MTIF2: variants seen among roughly 807,000 people sequenced by gnomAD.
MTIF2 encodes the protein translation initiation factor IF-2, mitochondrial.
MTIF2 carries 71 observed loss-of-function variants against 83.5 expected under a neutral mutation model. That is an observed-to-expected ratio of 0.85 (90% CI 0.70 to 1.04). MTIF2 has a LOEUF of 1.04. Among genes scored for constraint, MTIF2 ranks in the 50% least tolerant of loss-of-function variants. The pLI, the probability that MTIF2 is intolerant of heterozygous loss-of-function variation, is 0.00. For missense variants in MTIF2, 957 were observed against 846.5 expected (o/e 1.13, Z -1.62); for synonymous variants, 319 against 287.1 (o/e 1.11, Z -1.12).
At position 55,237,274 on chromosome 2, in the gene MTIF2, T is replaced by C. The variant is rs372653054; in HGVS notation, c.2011+14A>G. 1.9e-6 allele frequency: 3 copies of C among 1,606,178 alleles called. No individual in the cohort carries two copies. The highest frequency in any genetic ancestry group is 2.5e-6 in the Non-Finnish European group (3 of 1,177,998). ...ACTGGATATGCTATTATAGGAGATT[T>C]TGATGTTGCTTACCCTTCCAAATTA... On this transcript the variant is annotated intron_variant, in intron 15 of 15. Transcript: ENST00000263629.
rs1558569315 is a variant in MTIF2 at position 55,254,028 on chromosome 2, T to C, written c.664+13A>G. 6.2e-7 allele frequency: 1 copy of C among 1,613,190 alleles called. No individual in the cohort carries two copies. The highest frequency in any genetic ancestry group is 1.3e-5 in the African/African-American group (1 of 74,892). ...GGTTCCCAAGCACATTGTAAGGTAA[T>C]TTGTGTTCATACCAAGAAAGGCACC... On this transcript the variant is annotated intron_variant, in intron 7 of 15. Transcript: ENST00000263629.
chr2:55,262,279 A>T, intron 5 of MTIF2, 37 bp downstream of exon 5: 1 of 1,407,546 alleles, frequency 7.1e-7, no homozygotes, highest in African/African-American at 1.4e-5. Context: ...GTCTTCCAAC[A>T]TTCCCATATT....
In MTIF2 at chr2:55,237,422, G is replaced by T; in HGVS notation, c.1877C>A (p.Ala626Glu). The T allele has an allele frequency of 6.2e-7, 1 of 1,605,498 alleles. No individual in the cohort carries two copies. Among genetic ancestry groups the T allele is most frequent in the Non-Finnish European group, 8.5e-7 (1 of 1,177,496 alleles). ...CAVEEHPVGE[A>E]SILATFSVTE... Reference sequence around the variant, plus strand: ...TACAGAGAAGGTAGCTAGTATAGATGCCTCACCTTTAGGAAGAAGAGAACA... The same window carrying T: ...TACAGAGAAGGTAGCTAGTATAGATTCCTCACCTTTAGGAAGAAGAGAACA... Residue 626 changes from alanine (A) to glutamate (E), a missense_variant, in exon 15 of 16, where the codon GCA becomes GAA. Around this residue, in one of 3 missense-constraint regions of MTIF2, gnomAD observed 221 missense variants for 180.6 expected, o/e 1.22. Coordinates refer to ENST00000263629, the MANE Select transcript of MTIF2 (RefSeq NM_002453.3).
rs146855736 is a variant in MTIF2 at position 55,236,662 on chromosome 2, C to T, written c.2170G>A (p.Asp724Asn). 51 of 1,587,678 alleles carry T rather than the reference C, an allele frequency of 3.2e-5. No individual in the cohort carries two copies. In the African/African-American group the frequency reaches 6.7e-4, roughly 21 times the overall value. The change falls in exon 16 of 16, where the codon GAT becomes AAT. Residue 724 changes from aspartate (D) to asparagine (N), a missense_variant. Physicochemically the swap from Asp to Asn is conservative, Grantham distance 23. Around this residue, in one of 3 missense-constraint regions of MTIF2, gnomAD observed 221 missense variants for 180.6 expected, o/e 1.22. Coordinates refer to ENST00000263629, the MANE Select transcript of MTIF2 (RefSeq NM_002453.3). ...EKQIQAKTSW[D>N]PGF ...TTAATGTAATTTTAAAATCCTGGAT[C>T]CCAAGAAGTCTTGGCTTGAATTTGC...
At chr2:55,236,842 T>G in intron 15 of MTIF2, 22 bp from the exon 16 acceptor site, 1 of 1,528,626 alleles carries the variant, frequency 6.5e-7, no homozygotes, top group Non-Finnish European at 8.8e-7. Context: ...TAATTTAAGG[T>G]TAGTATATTC....
In MTIF2 at chr2:55,263,759, T is replaced by G. The variant is rs773432465; in HGVS notation, c.100A>C (p.Arg34=). Residue 34 remains arginine, a synonymous_variant, in exon 4 of 16, where the codon AGG becomes CGG. Transcript: ENST00000263629. The stretch of plus-strand genomic sequence containing the variant: ...GGGTAAGCAGATGAAAACCCATGCC[T>G]CCACTGTCTTAATGCTCTTCTTTGA... ...LCQRRALRQW[R]HGFSSAYPVW... 2.5e-6 allele frequency: 4 copies of G among 1,614,166 alleles called. No homozygotes were observed. The highest frequency in any genetic ancestry group is 3.3e-5 in the Admixed American group (2 of 60,010).
At chr2:55,248,078 C>T (rs572239985) in intron 9 of MTIF2, among the ~76,000 whole-genome samples, 1 of 152,160 alleles carries the variant, frequency 6.6e-6, no homozygotes, top group East Asian at 1.9e-4. Flanking sequence ...TTTATAGAGA[C>T]AAGGTCTCAT....
Position 55,236,823 on chromosome 2 carries a change from T to TA in MTIF2, c.2012-4dup, listed in dbSNP as rs781177023. 4 of 1,572,008 alleles carry TA rather than the reference T, an allele frequency of 2.5e-6. No individual in the cohort carries two copies. In the African/African-American group the frequency reaches 4.1e-5, roughly 16 times the overall value. Reference sequence around the variant, plus strand: ...GTGTTTCAATGAGGTTAATGAGCCTTAAAAAAGATAATTTAAGGTTAGTAT... The same window carrying TA: ...GTGTTTCAATGAGGTTAATGAGCCTTAAAAAAAGATAATTTAAGGTTAGTAT... On this transcript the variant is annotated splice_polypyrimidine_tract_variant and splice_region_variant and intron_variant, in intron 15 of 15. Transcript: ENST00000263629.
At chr2:55,260,879 C>T (rs530281944) in intron 5 of MTIF2, among the ~76,000 whole-genome samples, 1 of 152,000 alleles carries the variant, frequency 6.6e-6, no homozygotes, top group East Asian at 1.9e-4. Flanking sequence ...TTCAAAAATC[C>T]TAAATTGGTA....
At chr2:55,248,538 T>A (rs1307918127) in intron 9 of MTIF2, among the ~76,000 whole-genome samples, 1 of 152,130 alleles carries the variant, frequency 6.6e-6, no homozygotes, top group African/African-American at 2.4e-5. Context: ...CTCTATAGGG[T>A]AAGAGAATTG....
intron 10 of MTIF2, among the ~76,000 whole-genome samples, chr2:55,244,726 G>T (rs1032912734): frequency 6.6e-6 from 1 of 151,808 alleles, no homozygotes; most frequent in Non-Finnish European, 1.5e-5. Flanking sequence ...ACCAGCTAGG[G>T]CAACATAGCA....
chr2:55,237,170 A>G (rs1452892696), intron 15 of MTIF2, 118 bp downstream of exon 15: 2 of 1,185,752 alleles, frequency 1.7e-6, no homozygotes, highest in Non-Finnish European at 2.4e-6. Context: ...CAATAGCAAT[A>G]AGAAATGGCC....
At position 55,267,480 on chromosome 2, in the gene MTIF2, GAAAGA is replaced by G. The variant is rs1678525632; in HGVS notation, c.-8+84_-8+88del. ...GGCCTATACTGAATATTTTTTAAAA[GAAAGA>G]AAAGAAATGATAACAGAAACAAGTA... On this transcript the variant is annotated intron_variant, in intron 3 of 15. Coordinates refer to ENST00000263629, the MANE Select transcript of MTIF2 (RefSeq NM_002453.3). 3 of 155,718 alleles carry G rather than the reference GAAAGA, an allele frequency of 1.9e-5. No homozygotes were observed. In the Admixed American group the frequency reaches 2.0e-4, roughly 10 times the overall value. 9.6% of individuals were successfully genotyped at this position (155,718 alleles called of 1,614,324 possible). A position where few individuals can be genotyped will look rare whatever the true frequency, so the allele number is the denominator to read the frequency against.
intron 3 of MTIF2, among the ~76,000 whole-genome samples, chr2:55,267,143 A>T (rs564668296): frequency 1.3e-5 from 2 of 152,046 alleles, no homozygotes; most frequent in African/African-American, 4.8e-5. Context: ...TGGTTCTGAC[A>T]TGGTAAATAG....
chr2:55,259,857 T>C, intron 5 of MTIF2, among the ~76,000 whole-genome samples: 1 of 151,974 alleles, frequency 6.6e-6, no homozygotes, highest in East Asian at 1.9e-4. Context: ...GGCACAAGAA[T>C]TGCTTGAACT....
intron 8 of MTIF2, among the ~76,000 whole-genome samples, chr2:55,251,113 A>C: frequency 6.8e-6 from 1 of 147,564 alleles, no homozygotes; most frequent in African/African-American, 2.5e-5. Context: ...TCCGTCTCAA[A>C]AAAAAAAAAA....
chr2:55,251,982 T>A (rs1228289301), intron 8 of MTIF2, among the ~76,000 whole-genome samples: 2 of 152,152 alleles, frequency 1.3e-5, no homozygotes, highest in Non-Finnish European at 2.9e-5. Flanking sequence ...AATGAAGAAA[T>A]AAGGGAGAAG....
At chr2:55,239,520 G>A (rs986214650) in intron 14 of MTIF2, among the ~76,000 whole-genome samples, 20 of 151,934 alleles carry the variant, frequency 1.3e-4, no homozygotes, top group Middle Eastern at 6.8e-3. Flanking sequence ...CAAAATCTAC[G>A]TGGGGAGGAA....
At chr2:55,264,984 T>G (rs1472626797) in intron 3 of MTIF2, among the ~76,000 whole-genome samples, 1 of 152,080 alleles carries the variant, frequency 6.6e-6, no homozygotes, top group Admixed American at 6.6e-5. Context: ...GGCTCATGCC[T>G]GTAATCCCAG....
Sources: allele counts gnomAD v4.1 joint callset (sites outside exome capture counted in the v4.1 genomes callset), GRCh38; gene constraint gnomAD v4.1.1; regional missense constraint gnomAD v4.1.1; transcripts MANE v1.5; gene names NCBI Gene and HGNC (gene_info 2026-07-23, HGNC 2026-07-21).